Variants in SYNPO2 observed in about 807,000 individuals in gnomAD.
SYNPO2 encodes the protein synaptopodin-2.
In SYNPO2, 56 loss-of-function variants were observed where a neutral mutation model predicts 85.0. The ratio of observed to expected loss-of-function variants is 0.66; its 90% confidence interval spans 0.53 to 0.82. The LOEUF is 0.82. Ranked by LOEUF, SYNPO2 falls within the 40% of genes least tolerant of loss-of-function variation. The pLI is 0.00. For synonymous variants in SYNPO2, 602 were observed against 591.1 expected, an observed-to-expected ratio of 1.02 and a Z score of -0.27; for missense variants, 1,575 against 1,534.2, an observed-to-expected ratio of 1.03 and a Z score of -0.44.
intron 1 of SYNPO2, among the ~76,000 whole-genome samples, chr4:118,910,894 A>G (rs1324658394): frequency 6.6e-6 from 1 of 152,186 alleles, no homozygotes; most frequent in Non-Finnish European, 1.5e-5. Context: ...CTCCCAACAA[A>G]ACATGAGTAC....
At chr4:118,918,163 C>A (rs927947024) in intron 1 of SYNPO2, among the ~76,000 whole-genome samples, 1 of 152,038 alleles carries the variant, frequency 6.6e-6, no homozygotes, top group African/African-American at 2.4e-5. Flanking sequence ...ACTGAAAGTT[C>A]TTTTTTTAAA....
intron 1 of SYNPO2, among the ~76,000 whole-genome samples, chr4:118,975,322 G>A (rs1210935425): frequency 1.3e-5 from 2 of 152,226 alleles, no homozygotes; most frequent in Non-Finnish European, 2.9e-5. Context: ...GTAGAATAGA[G>A]TTTGGGCACC....
Position 119,051,186 on chromosome 4 carries a change from A to ATGTTTTTTTTTTT in SYNPO2, c.3253-6214_3253-6213insGTTTTTTTTTTTT, listed in dbSNP as rs376359189. Among the ~76,000 whole-genome samples the ATGTTTTTTTTTTT allele has an allele frequency of 3.0e-5, 3 of 100,720 alleles. 1 individual carries two copies. The highest frequency in any genetic ancestry group is 3.9e-5 in the African/African-American group (1 of 25,950). The allele number at this position is 100,720 out of a possible 152,430, so 66.1% of individuals were successfully genotyped here. On this transcript the variant is annotated intron_variant, in intron 4 of 4. Coordinates refer to ENST00000307142, the MANE Select transcript of SYNPO2 (RefSeq NM_133477.3). ...CACTGGGGTAAAGCCATGGGAAGCA[A>ATGTTTTTTTTTTT]TTTTTTTTTTTTTTTTTTTTTGAGA...
chr4:118,931,476 A>G (rs1247616968), intron 1 of SYNPO2, among the ~76,000 whole-genome samples: 1 of 152,216 alleles, frequency 6.6e-6, no homozygotes, highest in African/African-American at 2.4e-5. Context: ...AAAAATTTAT[A>G]CAATATAGCC....
intron 4 of SYNPO2, chr4:119,042,096 GCAGGC>G (rs1269366436): frequency 1.4e-4 from 1 of 6,984 alleles, no homozygotes; most frequent in African/African-American, 7.1e-4. Flanking sequence ...AAAGGAACAG[GCAGGC>G]GCTGAAGCAC....
Position 119,030,789 on chromosome 4 carries a change from G to A in SYNPO2, c.2014G>A (p.Glu672Lys), listed in dbSNP as rs1157302254. 1 of 1,614,008 alleles carries A rather than the reference G, an allele frequency of 6.2e-7. No individual in the cohort carries two copies. Among genetic ancestry groups the A allele is most frequent in the Admixed American group, 1.7e-5 (1 of 60,004 alleles). Residue 672 changes from glutamate to lysine, a missense_variant, in exon 4 of 5, where the codon GAG becomes AAG. Transcript: ENST00000307142. The stretch of plus-strand genomic sequence containing the variant: ...GTCTGAGCGAATAGCTTCCCGAGAT[G>A]AGAGGATCTCAGTGCCAGCAAAAAG... The part of the protein sequence containing the change: ...DSSERIASRD[E>K]RISVPAKRTG...
intron 4 of SYNPO2, among the ~76,000 whole-genome samples, chr4:119,048,266 T>C (rs1244356836): frequency 6.6e-6 from 1 of 152,212 alleles, no homozygotes; most frequent in African/African-American, 2.4e-5. Flanking sequence ...ATGTAACTGA[T>C]GTGTGAGAGG....
chr4:118,873,949 C>T (rs1731851062), intron 1 of SYNPO2, among the ~76,000 whole-genome samples: 1 of 111,438 alleles, frequency 9.0e-6, no homozygotes, highest in Admixed American at 8.5e-5. Context: ...GTCCTTTTCC[C>T]ACCGGCATTT....
intron 1 of SYNPO2, among the ~76,000 whole-genome samples, chr4:118,983,122 T>G (rs1018275979): frequency 4.6e-5 from 7 of 152,184 alleles, no homozygotes; most frequent in African/African-American, 1.7e-4. Flanking sequence ...TTTGCAGAGA[T>G]GGCCAAGGAG....
upstream of SYNPO2, among the ~76,000 whole-genome samples, chr4:118,887,070 T>C (rs1732210909): frequency 6.6e-6 from 1 of 152,206 alleles, no homozygotes. Flanking sequence ...TCCCCATGTC[T>C]GTATAGGTTT....
intron 1 of SYNPO2, among the ~76,000 whole-genome samples, chr4:118,913,880 A>G (rs1339589898): frequency 6.6e-6 from 1 of 152,174 alleles, no homozygotes; most frequent in African/African-American, 2.4e-5. Flanking sequence ...CTTATTAAAG[A>G]TTTCTAAACA....
intron 1 of SYNPO2, among the ~76,000 whole-genome samples, chr4:118,926,228 T>C (rs1000933213): frequency 1.3e-5 from 2 of 152,120 alleles, no homozygotes; most frequent in African/African-American, 4.8e-5. Context: ...TTGCAAGCAA[T>C]GATACAACTC....
At position 119,035,469 on chromosome 4, in the gene SYNPO2, A is replaced by G. The variant is rs983218657; in HGVS notation, c.3252+3442A>G. 5.1e-6 allele frequency: 5 copies of G among 985,316 alleles called. No homozygotes were observed. The African/African-American group carries it at 8.7e-5, about 17-fold the overall frequency. The allele number at this position is 985,316 out of a possible 1,614,324, so 61.0% of individuals were successfully genotyped here. ...AGAGGAAAACAAACACAGTTTCTGC[A>G]TTGGTAGTGTAAAGCATACCTTGTT... On this transcript the variant is annotated intron_variant, in intron 4 of 4. Transcript: ENST00000307142.
At chr4:118,983,339 T>C (rs1736100235) in intron 1 of SYNPO2, among the ~76,000 whole-genome samples, 1 of 151,984 alleles carries the variant, frequency 6.6e-6, no homozygotes, top group Non-Finnish European at 1.5e-5. Context: ...CCATTCACAC[T>C]AGATTCCTTG....
chr4:118,918,154 C>G (rs10000943), intron 1 of SYNPO2, among the ~76,000 whole-genome samples: 168 of 152,196 alleles, frequency 1.1e-3, no homozygotes, highest in African/African-American at 3.9e-3. Flanking sequence ...TTTCTAGAAA[C>G]TGAAAGTTCT....
chr4:118,893,502 G>T (rs1732440686), intron 1 of SYNPO2, among the ~76,000 whole-genome samples: 1 of 152,146 alleles, frequency 6.6e-6, no homozygotes, highest in East Asian at 1.9e-4. Flanking sequence ...AGGCTACATT[G>T]CTTGCCAATG....
chr4:119,044,392 T>C (rs1043634348), intron 4 of SYNPO2, among the ~76,000 whole-genome samples: 1 of 152,190 alleles, frequency 6.6e-6, no homozygotes, highest in African/African-American at 2.4e-5. Flanking sequence ...AGGAAAGATA[T>C]CATTAAATAA....
At chr4:119,048,470 T>C (rs1169828475) in intron 4 of SYNPO2, among the ~76,000 whole-genome samples, 1 of 152,032 alleles carries the variant, frequency 6.6e-6, no homozygotes, top group African/African-American at 2.4e-5. Context: ...TAATTTCTAG[T>C]GGAGAGAGAA....
chr4:118,976,268 A>G (rs12711068), intron 1 of SYNPO2, among the ~76,000 whole-genome samples: 43,521 of 151,766 alleles, frequency 0.29, 6,623 homozygotes, highest in East Asian at 0.43. Flanking sequence ...AGACCTTTGC[A>G]GTGAGTGTTA....
Sources: gnomAD v4.1 joint callset for allele counts (sites outside exome capture counted in the v4.1 genomes callset) on GRCh38, gnomAD v4.1.1 for gene constraint, MANE v1.5 for transcripts, NCBI Gene and HGNC (gene_info 2026-07-23, HGNC 2026-07-21) for gene names.